The following AFG1L variants were observed in gnomAD, a reference collection of about 807,000 sequenced individuals.
The protein encoded by AFG1L is AFG1 like ATPase.
A neutral mutation model predicts 62.2 loss-of-function variants in AFG1L; 53 were observed. The observed-to-expected ratio is 0.85, with a 90% CI of 0.68 to 1.07. AFG1L has a LOEUF of 1.07. AFG1L is among the 50% of genes least tolerant of loss of function. The probability of loss-of-function intolerance (pLI) is 0.00; values close to 1 mark genes in which losing one functional copy is unlikely to be tolerated. For missense variants in AFG1L, 555 were observed against 590.5 expected (o/e 0.94, Z 0.62); for synonymous variants, 228 against 210.3 (o/e 1.08, Z -0.73).
At chr6:108,439,686 C>T (rs1178614396) in intron 7 of AFG1L, among the ~76,000 whole-genome samples, 2 of 152,116 alleles carry the variant, frequency 1.3e-5, no homozygotes, top group Non-Finnish European at 2.9e-5. Context: ...AATTTGTATA[C>T]TTTCCTGTAT....
intron 6 of AFG1L, among the ~76,000 whole-genome samples, chr6:108,379,243 C>T (rs1332132078): frequency 6.6e-6 from 1 of 152,002 alleles, no homozygotes; most frequent in Non-Finnish European, 1.5e-5. Flanking sequence ...TCTCCTGACC[C>T]AAGTGATCCG....
At chr6:108,384,061 T>TA (rs541978025) in intron 6 of AFG1L, among the ~76,000 whole-genome samples, 5,701 of 79,938 alleles carry the variant, frequency 0.071, 282 homozygotes, top group African/African-American at 0.13. Context: ...TCCTGGAGAG[T>TA]AAAAAAAAAA....
intron 8 of AFG1L, among the ~76,000 whole-genome samples, chr6:108,466,891 A>T (rs1038155361): frequency 4.0e-5 from 6 of 151,864 alleles, no homozygotes; most frequent in Non-Finnish European, 8.8e-5. Flanking sequence ...AAATGATAAT[A>T]AATTGTGATA....
chr6:108,399,769 CTTTTTTTTTTTTTTT>C (rs757924406), intron 6 of AFG1L, among the ~76,000 whole-genome samples: 1 of 42,658 alleles, frequency 2.3e-5, no homozygotes, highest in South Asian at 1.0e-3. Context: ...AAGTATCTCT[CTTTTTTTTTTTTTTT>C]TTTTTTTTTT....
At chr6:108,437,847 A>C (rs1262823728) in intron 7 of AFG1L, among the ~76,000 whole-genome samples, 1 of 152,200 alleles carries the variant, frequency 6.6e-6, no homozygotes, top group East Asian at 1.9e-4. Flanking sequence ...GCTACCGTTG[A>C]ATAACTCAGT....
chr6:108,459,004 C>T (rs1012248099), intron 8 of AFG1L, among the ~76,000 whole-genome samples: 3 of 152,014 alleles, frequency 2.0e-5, no homozygotes, highest in African/African-American at 7.3e-5. Context: ...GAAGCAATAC[C>T]CTTCTGAGAA....
At chr6:108,415,591 G>C (rs1205691690) in intron 7 of AFG1L, among the ~76,000 whole-genome samples, 1 of 152,164 alleles carries the variant, frequency 6.6e-6, no homozygotes, top group East Asian at 1.9e-4. Context: ...CAATGGAACA[G>C]AATAGAGCCC....
chr6:108,413,903 A>G (rs1028280934), intron 7 of AFG1L, among the ~76,000 whole-genome samples: 1 of 152,214 alleles, frequency 6.6e-6, no homozygotes, highest in African/African-American at 2.4e-5. Context: ...GCAGAAGGCA[A>G]GAAATAACTA....
chr6:108,477,384 C>A, intron 10 of AFG1L, 92 bp downstream of exon 10: 1 of 654,134 alleles, frequency 1.5e-6, no homozygotes, highest in South Asian at 3.2e-5. Context: ...TTTTAAAATA[C>A]CATTCACAGA....
chr6:108,462,736 G>A lies in AFG1L; in HGVS notation c.891-14129G>A, dbSNP rs538401474. Among the ~76,000 whole-genome samples, 5 of 152,202 alleles carry A rather than the reference G, an allele frequency of 3.3e-5. No individual in the cohort carries two copies. The East Asian group carries it at 7.7e-4, about 24-fold the overall frequency. Reference sequence around the variant, plus strand: ...AAACACATGGACAAAATATCCAATTGTATGGCCACAGTCATCTAGTAGAGT... The same window carrying A: ...AAACACATGGACAAAATATCCAATTATATGGCCACAGTCATCTAGTAGAGT... On this transcript the variant is annotated intron_variant, in intron 8 of 12. Coordinates refer to ENST00000368977, the MANE Select transcript of AFG1L (RefSeq NM_145315.5).
chr6:108,477,365 C>T (rs1381729881), intron 10 of AFG1L, 73 bp downstream of exon 10: 4 of 810,644 alleles, frequency 4.9e-6, no homozygotes, highest in Non-Finnish European at 7.6e-6. Flanking sequence ...CCTCTCTGCC[C>T]ATTTCAGATT....
At chr6:108,512,395 G>C (rs944618111) in intron 11 of AFG1L, among the ~76,000 whole-genome samples, 2 of 152,190 alleles carry the variant, frequency 1.3e-5, no homozygotes, top group Non-Finnish European at 2.9e-5. Context: ...GGGTAATCTG[G>C]AGAGGCAGAA....
At chr6:108,404,329 T>G (rs1781759223) in intron 7 of AFG1L, among the ~76,000 whole-genome samples, 1 of 152,176 alleles carries the variant, frequency 6.6e-6, no homozygotes, top group Non-Finnish European at 1.5e-5. Context: ...AAAATGTTCT[T>G]CTCTATAAAC....
chr6:108,395,125 T>C (rs903066759), intron 6 of AFG1L, among the ~76,000 whole-genome samples: 1 of 152,198 alleles, frequency 6.6e-6, no homozygotes, highest in Non-Finnish European at 1.5e-5. Flanking sequence ...TTGAAACCTG[T>C]AGTCTTTAAT....
At chr6:108,327,886 T>C (rs1361821923) in intron 2 of AFG1L, among the ~76,000 whole-genome samples, 1 of 152,202 alleles carries the variant, frequency 6.6e-6, no homozygotes, top group Admixed American at 6.5e-5. Context: ...TTGGGTTTCT[T>C]AGAGGCCGTT....
chr6:108,451,496 AC>A (rs796388684), intron 8 of AFG1L, among the ~76,000 whole-genome samples: 23 of 152,306 alleles, frequency 1.5e-4, no homozygotes, highest in African/African-American at 5.5e-4. Context: ...ATCCTAGAGT[AC>A]CTTCGTAAGT....
At chr6:108,495,649 CT>C (rs1452368705) in intron 10 of AFG1L, among the ~76,000 whole-genome samples, 3 of 152,276 alleles carry the variant, frequency 2.0e-5, no homozygotes, top group Middle Eastern at 3.4e-3. Context: ...CAAGCAAGCT[CT>C]TTATTTTTAA....
chr6:108,435,513 C>G (rs1439968775), intron 7 of AFG1L, among the ~76,000 whole-genome samples: 1 of 152,092 alleles, frequency 6.6e-6, no homozygotes, highest in Non-Finnish European at 1.5e-5. Flanking sequence ...AAGCCACACT[C>G]TGTCTCAACA....
chr6:108,316,706 G>T (rs1777616716), intron 1 of AFG1L, among the ~76,000 whole-genome samples: 1 of 151,614 alleles, frequency 6.6e-6, no homozygotes, highest in African/African-American at 2.4e-5. Flanking sequence ...CTAATTTTTT[G>T]TATTTTTAGT....
Sources: allele counts gnomAD v4.1 joint callset (sites outside exome capture counted in the v4.1 genomes callset), GRCh38; gene constraint gnomAD v4.1.1; transcripts MANE v1.5; gene names NCBI Gene and HGNC (gene_info 2026-07-23, HGNC 2026-07-21).